Variants in UGGT2 observed in about 807,000 individuals in gnomAD.
The protein encoded by UGGT2 is UDP-glucose:glycoprotein glucosyltransferase 2.
Under a neutral mutation model 192.1 loss-of-function variants are expected in UGGT2, and 180 were observed. The ratio of observed to expected loss-of-function variants is 0.94; its 90% confidence interval spans 0.83 to 1.06. The LOEUF (loss-of-function observed/expected upper bound fraction) is 1.06, where lower values mean the gene tolerates loss of function less well. Among genes scored for constraint, UGGT2 ranks in the 50% least tolerant of loss-of-function variants. The pLI, the probability that UGGT2 is intolerant of heterozygous loss-of-function variation, is 0.00. For synonymous variants in UGGT2, 580 were observed against 591.0 expected, an observed-to-expected ratio of 0.98 and a Z score of 0.27; for missense variants, 1,849 against 1,795.7, an observed-to-expected ratio of 1.03 and a Z score of -0.54.
At chr13:95,925,117 T>G (rs1163037331) in intron 20 of UGGT2, among the ~76,000 whole-genome samples, 3 of 152,222 alleles carry the variant, frequency 2.0e-5, no homozygotes, top group South Asian at 4.1e-4. Flanking sequence ...TTTATCTAGA[T>G]AAACTTATAT....
At chr13:95,954,781 C>T (rs772216784) in intron 12 of UGGT2, among the ~76,000 whole-genome samples, 4 of 152,206 alleles carry the variant, frequency 2.6e-5, no homozygotes, top group Admixed American at 6.5e-5. Flanking sequence ...TTGACCACCT[C>T]GGGCACATGT....
At chr13:96,001,329 C>T (rs1293421027) in intron 5 of UGGT2, among the ~76,000 whole-genome samples, 1 of 152,080 alleles carries the variant, frequency 6.6e-6, no homozygotes, top group Non-Finnish European at 1.5e-5. Context: ...CAAAAAGCTC[C>T]CCCACTGAGT....
At chr13:95,958,850 T>G (rs1165826189) in intron 12 of UGGT2, among the ~76,000 whole-genome samples, 2 of 148,280 alleles carry the variant, frequency 1.3e-5, no homozygotes, top group African/African-American at 5.3e-5. Context: ...AAGGAAAGTG[T>G]AAGTGAGAGA....
intron 29 of UGGT2, among the ~76,000 whole-genome samples, chr13:95,872,072 GA>G (rs1355587094): frequency 1.3e-5 from 2 of 152,134 alleles, no homozygotes; most frequent in Non-Finnish European, 2.9e-5. Context: ...GATTTCAAAT[GA>G]GAAGTCTAGC....
chr13:96,046,537 A>G (rs7983843), intron 1 of UGGT2, among the ~76,000 whole-genome samples: 65,184 of 152,084 alleles, frequency 0.43, 14,225 homozygotes, highest in Non-Finnish European at 0.46. Flanking sequence ...AGCTCCTAGC[A>G]TGAGCGATGC....
chr13:95,990,100 A>G, intron 7 of UGGT2, 27 bp from the exon 8 acceptor site: 2 of 1,465,730 alleles, frequency 1.4e-6, no homozygotes, highest in Non-Finnish European at 1.9e-6. Flanking sequence ...AGTGATGTTA[A>G]GTAGCATCAC....
At chr13:95,996,456 A>C (rs879877099) in intron 6 of UGGT2, among the ~76,000 whole-genome samples, 1 of 151,652 alleles carries the variant, frequency 6.6e-6, no homozygotes, top group Non-Finnish European at 1.5e-5. Flanking sequence ...AGATCGTGCC[A>C]CTGCACTCCA....
intron 25 of UGGT2, among the ~76,000 whole-genome samples, chr13:95,889,417 T>G (rs2047737915): frequency 6.6e-6 from 1 of 152,156 alleles, no homozygotes; most frequent in Non-Finnish European, 1.5e-5. Flanking sequence ...GATTTGGCAG[T>G]GCGCACTAAA....
At chr13:96,029,946 T>G (rs1375455002) in intron 2 of UGGT2, among the ~76,000 whole-genome samples, 1 of 152,224 alleles carries the variant, frequency 6.6e-6, no homozygotes, top group East Asian at 1.9e-4. Flanking sequence ...TAAACTATCT[T>G]GGATACTTGA....
intron 32 of UGGT2, 94 bp downstream of exon 32, chr13:95,860,690 GTTTT>G: frequency 1.6e-6 from 1 of 607,482 alleles, no homozygotes; most frequent in Non-Finnish European, 2.5e-6. Flanking sequence ...AGAGGTGGGA[GTTTT>G]TTTTTTCCCA....
chr13:95,863,575 T>C (rs761448575), intron 31 of UGGT2, 54 bp downstream of exon 31: 1 of 1,427,590 alleles, frequency 7.0e-7, no homozygotes, highest in Middle Eastern at 2.4e-4. Flanking sequence ...AACTTCCACA[T>C]ACTAGACTTC....
At chr13:95,951,977 G>A (rs529118132) in intron 12 of UGGT2, among the ~76,000 whole-genome samples, 20 of 151,836 alleles carry the variant, frequency 1.3e-4, no homozygotes, top group African/African-American at 4.8e-4. Flanking sequence ...AGAATCGCTT[G>A]AACCCAGGAG....
chr13:95,943,278 C>T (rs920275688), intron 15 of UGGT2, among the ~76,000 whole-genome samples: 10 of 152,048 alleles, frequency 6.6e-5, no homozygotes, highest in Non-Finnish European at 1.2e-4. Context: ...TTAGAAATCA[C>T]TTGCAGAAAA....
intron 4 of UGGT2, among the ~76,000 whole-genome samples, chr13:96,016,580 C>T (rs1163254546): frequency 6.6e-6 from 1 of 152,178 alleles, no homozygotes; most frequent in African/African-American, 2.4e-5. Flanking sequence ...TCTGCAGATG[C>T]TCAGGAGGCA....
chr13:95,889,381 A>C (rs2047736690), intron 25 of UGGT2, among the ~76,000 whole-genome samples: 1 of 152,144 alleles, frequency 6.6e-6, no homozygotes. Flanking sequence ...ATTTGTCTCC[A>C]CTAATAAAAT....
chr13:95,810,331 A>G (rs111671983), intron 38 of UGGT2, among the ~76,000 whole-genome samples: 2 of 152,346 alleles, frequency 1.3e-5, no homozygotes, highest in African/African-American at 4.8e-5. Context: ...TCCAACAGCA[A>G]CAGGAGGTGG....
chr13:95,940,988 CTTT>C (rs967499032), intron 15 of UGGT2, among the ~76,000 whole-genome samples: 4 of 152,142 alleles, frequency 2.6e-5, no homozygotes, highest in African/African-American at 9.7e-5. Context: ...AGCTGTTATT[CTTT>C]TTATCTTTTC....
intron 36 of UGGT2, among the ~76,000 whole-genome samples, chr13:95,850,503 G>A (rs1888930448): frequency 6.6e-6 from 1 of 152,164 alleles, no homozygotes; most frequent in African/African-American, 2.4e-5. Context: ...TGTGGTTTGT[G>A]GAAGTCTGCT....
chr13:96,033,524 G>A (rs2052904238), intron 1 of UGGT2, among the ~76,000 whole-genome samples: 2 of 152,118 alleles, frequency 1.3e-5, no homozygotes, highest in African/African-American at 2.4e-5. Context: ...CTCCCTGGGT[G>A]CAGCTGCAAC....
Sources: gnomAD v4.1 joint callset for allele counts (sites outside exome capture counted in the v4.1 genomes callset) on GRCh38, gnomAD v4.1.1 for gene constraint, MANE v1.5 for transcripts, NCBI Gene and HGNC (gene_info 2026-07-23, HGNC 2026-07-21) for gene names.